The following IPO4 variants were observed in gnomAD, a reference collection of about 807,000 sequenced individuals.
IPO4 encodes importin 4, also known as importin-4.
IPO4 carries 91 observed loss-of-function variants against 133.5 expected under a neutral mutation model. The observed-to-expected ratio is 0.68, with a 90% CI of 0.58 to 0.81. The LOEUF (loss-of-function observed/expected upper bound fraction) is 0.81. Among genes scored for constraint, IPO4 ranks in the 30% least tolerant of loss-of-function variants. The pLI is 0.00. For missense variants in IPO4, 1,279 were observed against 1,386.2 expected, an observed-to-expected ratio of 0.92 and a Z score of 1.23; for synonymous variants, 607 against 581.6, an observed-to-expected ratio of 1.04 and a Z score of -0.63.
rs2039116692 is a variant in IPO4, at chr14:24,180,577, G to A, written c.3116-5C>T. 1.2e-6 allele frequency: 2 copies of A among 1,613,376 alleles called. No homozygotes were observed. The highest frequency in any genetic ancestry group is 1.3e-5 in the African/African-American group (1 of 74,926). ...GCAACAGTGCGGCCTTGGTGTCTGG[G>A]TGGAGAGGGAGGGAGAAAGGTCGGG... is the stretch of plus-strand genomic sequence containing the variant. On this transcript the variant is annotated splice_region_variant and splice_polypyrimidine_tract_variant and intron_variant, in intron 29 of 29. Coordinates refer to ENST00000354464, the MANE Select transcript of IPO4 (RefSeq NM_024658.4).
chr14:24,184,852 T>C lies in IPO4; in HGVS notation c.1522+15A>G, dbSNP rs199648387. On this transcript the variant is annotated intron_variant, in intron 15 of 29. Coordinates refer to ENST00000354464, the MANE Select transcript of IPO4 (RefSeq NM_024658.4). ...GGGTGAACCCCACATCCCTGCCTCC[T>C]GCCTCTCTCCTCACCAATGGCTCCC... The C allele has an allele frequency of 5.7e-5, 92 of 1,612,086 alleles. No individual in the cohort carries two copies. In the African/African-American group the frequency reaches 1.1e-3, roughly 20 times the overall value.
In IPO4 at chr14:24,188,339, C is replaced by A; in HGVS notation, c.236+5G>T. 2 of 1,613,560 alleles carry A rather than the reference C, an allele frequency of 1.2e-6. No homozygotes were observed. Among genetic ancestry groups the A allele is most frequent in the Non-Finnish European group, 1.7e-6 (2 of 1,179,870 alleles). ...TGGCCCCGCCCCACCCCAGGCCCAGCCCACCTCTCCCGTTGCTCCGCCGCC... is the reference window on the plus strand; with the variant it reads ...TGGCCCCGCCCCACCCCAGGCCCAGACCACCTCTCCCGTTGCTCCGCCGCC... On this transcript the variant is annotated splice_donor_5th_base_variant and intron_variant, in intron 3 of 29. Transcript: ENST00000354464.
intron 8 of IPO4, 25 bp from the exon 9 acceptor site, chr14:24,186,816 G>A: frequency 6.2e-7 from 1 of 1,613,420 alleles, no homozygotes; most frequent in Non-Finnish European, 8.5e-7. Context: ...ATAAAAATCA[G>A]CGACAGGGAA....
rs773862767 is a variant in IPO4 at position 24,183,444 on chromosome 14, C to CG, written c.2121+11dup. ...TGAGAACCCCACCCACTCCACCCGC[C>CG]GGCCCGCTCACCTCCAGCAGTTTAA... On this transcript the variant is annotated intron_variant, in intron 21 of 29. Coordinates refer to ENST00000354464, the MANE Select transcript of IPO4 (RefSeq NM_024658.4). The CG allele has an allele frequency of 6.2e-7, 1 of 1,608,220 alleles. No individual in the cohort carries two copies. Among genetic ancestry groups the CG allele is most frequent in the South Asian group, 1.1e-5 (1 of 90,234 alleles).
chr14:24,186,533 A>C (rs958875632), intron 9 of IPO4, 82 bp from the exon 10 acceptor site: 2 of 1,488,556 alleles, frequency 1.3e-6, no homozygotes, highest in African/African-American at 2.8e-5. Flanking sequence ...CTTCCAGGCC[A>C]TAAGGGGTCT....
In IPO4 at chr14:24,187,672, T is replaced by C; in HGVS notation, c.403A>G (p.Arg135Gly). Residue 135 changes from arginine to glycine, a missense_variant, in exon 5 of 30, where the codon AGA (arginine) becomes GGA (glycine). Around this residue, in one of 3 missense-constraint regions of IPO4, gnomAD observed 695 missense variants for 704.1 expected, o/e 0.99. Coordinates refer to ENST00000354464, the MANE Select transcript of IPO4 (RefSeq NM_024658.4). ...HSTHSPHSPE[R>G]EMGLLLLSVV... ...TGCCAACCATGTGATGGTACCTCTC[T>C]CTCTGGGCTGTGGGGGCTGTGGGTA... The C allele has an allele frequency of 6.2e-7, 1 of 1,614,144 alleles. No homozygotes were observed. Among genetic ancestry groups the C allele is most frequent in the South Asian group, 1.1e-5 (1 of 91,086 alleles).
In IPO4 at chr14:24,182,967, C is replaced by T; in HGVS notation, c.2421+9G>A. On this transcript the variant is annotated intron_variant, in intron 23 of 29. Coordinates refer to ENST00000354464, the MANE Select transcript of IPO4 (RefSeq NM_024658.4). ...CCTCTCCTTCCCGAAGCCCACCTGC[C>T]CTGCTCACCTTCCTCTGCAGCACAG... is the stretch of plus-strand genomic sequence containing the variant. 1 of 1,613,218 alleles carries T rather than the reference C, an allele frequency of 6.2e-7. No homozygotes were observed. The highest frequency in any genetic ancestry group is 8.5e-7 in the Non-Finnish European group (1 of 1,179,392).
chr14:24,180,921 A>G lies in IPO4; in HGVS notation c.3046-163T>C, dbSNP rs1311296121. The stretch of plus-strand genomic sequence containing the variant: ...ACTATGAACATGAGAAGAACCAATG[A>G]AACTTGGTGCTAATGATTTTTTTTG... On this transcript the variant is annotated intron_variant, in intron 28 of 29. Transcript: ENST00000354464. 5.3e-5 allele frequency among the ~76,000 whole-genome samples: 8 copies of G among 152,178 alleles called. No individual in the cohort carries two copies. In the East Asian group the frequency reaches 1.5e-3, roughly 29 times the overall value.
chr14:24,184,551 G>A, intron 16 of IPO4, 99 bp downstream of exon 16: 1 of 1,415,938 alleles, frequency 7.1e-7, no homozygotes, highest in Admixed American at 2.4e-5. Flanking sequence ...TTGATGAGAA[G>A]GAAGACATCC....
chr14:24,186,860 T>C lies in IPO4; in HGVS notation c.756+18A>G. On this transcript the variant is annotated intron_variant, in intron 8 of 29. Coordinates refer to ENST00000354464, the MANE Select transcript of IPO4 (RefSeq NM_024658.4). The stretch of plus-strand genomic sequence containing the variant: ...CCAGCAGAGCATGTAGCAGGGGCCA[T>C]GTCCACTCCAGGCTCACCTCCAGGC... The C allele has an allele frequency of 6.2e-7, 1 of 1,612,226 alleles. No homozygotes were observed. Among genetic ancestry groups the C allele is most frequent in the Non-Finnish European group, 8.5e-7 (1 of 1,178,298 alleles).
In IPO4 at chr14:24,185,186, G is replaced by C. The variant is rs2039201132; in HGVS notation, c.1405C>G (p.Leu469Val). The stretch of plus-strand genomic sequence containing the variant: ...AGCTCCCCACTGCCATCACTACCTA[G>C]GTTCTCCACAAAATTCTCCAGGGCA... ...CYALENFVEN[L>V]GPKVQPYLPE... Residue 469 changes from leucine (L) to valine (V), a missense_variant, in exon 14 of 30, where the codon CTA (leucine) becomes GTA (valine). Leu to Val is a conservative substitution (Grantham distance 32). Transcript: ENST00000354464. The C allele has an allele frequency of 6.2e-7, 1 of 1,613,882 alleles. No homozygotes were observed. The highest frequency in any genetic ancestry group is 8.5e-7 in the Non-Finnish European group (1 of 1,179,956).
intron 17 of IPO4, 80 bp downstream of exon 17, chr14:24,184,218 G>A (rs936799493): frequency 2.6e-6 from 4 of 1,553,622 alleles, no homozygotes; most frequent in Non-Finnish European, 3.5e-6. Context: ...ACTGGAGTCT[G>A]GGGTGGGGAT....
chr14:24,184,048 G>C lies in IPO4; in HGVS notation c.1819C>G (p.Gln607Glu). Residue 607 changes from glutamine to glutamate, a missense_variant, in exon 18 of 30, where the codon CAG becomes GAG. This residue lies in a region of IPO4 where 575 missense variants were observed against 653.4 expected (regional missense o/e 0.88). Coordinates refer to ENST00000354464, the MANE Select transcript of IPO4 (RefSeq NM_024658.4). ...MGEGLAPHLE[Q>E]ITTLMLLSLR... Reference sequence around the variant, plus strand: ...GACAGCAGCATGAGCGTGGTGATCTGTTCCAAGTGGGGCGCCAGGCCCTCA... The same window carrying C: ...GACAGCAGCATGAGCGTGGTGATCTCTTCCAAGTGGGGCGCCAGGCCCTCA... 2 of 1,608,214 alleles carry C rather than the reference G, an allele frequency of 1.2e-6. No individual in the cohort carries two copies. Among genetic ancestry groups the C allele is most frequent in the East Asian group, 2.2e-5 (1 of 44,600 alleles).
chr14:24,187,807 G>A lies in IPO4; in HGVS notation c.279-11C>T. The A allele has an allele frequency of 1.2e-6, 2 of 1,613,964 alleles. No homozygotes were observed. The highest frequency in any genetic ancestry group is 1.3e-5 in the African/African-American group (1 of 75,050). ...AGGCTCACACAGTGCCTGCAAACAG[G>A]AGAGATCTCCTCCAATCACCCTTCA... On this transcript the variant is annotated splice_polypyrimidine_tract_variant and intron_variant, in intron 4 of 29. Transcript: ENST00000354464.
In IPO4 at chr14:24,187,471, A is replaced by C. The variant is rs1252799855; in HGVS notation, c.517T>G (p.Ser173Ala). 1.9e-6 allele frequency: 3 copies of C among 1,614,094 alleles called. No homozygotes were observed. The East Asian group carries it at 6.7e-5, about 36-fold the overall frequency. ...AGGGAGTAGAAGAGCAGCCCAGGAG[A>C]GCCCACCTCACCAAGAGTCTCATTC... ...LLNETLGEVG[S>A]PGLLFYSLRT... The change falls in exon 6 of 30, where the codon TCT (serine) becomes GCT (alanine). Residue 173 changes from serine to alanine, a missense_variant. Around this residue, in one of 3 missense-constraint regions of IPO4, gnomAD observed 695 missense variants for 704.1 expected, o/e 0.99. Coordinates refer to ENST00000354464, the MANE Select transcript of IPO4 (RefSeq NM_024658.4).
intron 28 of IPO4, 62 bp from the exon 29 acceptor site, chr14:24,180,820 T>C (rs1201647803): frequency 6.7e-7 from 1 of 1,495,340 alleles, no homozygotes; most frequent in Non-Finnish European, 9.2e-7. Context: ...AGGAGGGTGG[T>C]CAGGACCAAG....
rs972449006 is a variant in IPO4 at position 24,185,056 on chromosome 14, CTTTT to C, written c.1409-80_1409-77del. ...CGCCCACCTCCCTCCAGGCGGAAACCTTTTTTTGGCACCATCACACCCTTTCCCC... is the reference window on the plus strand; with the variant it reads ...CGCCCACCTCCCTCCAGGCGGAAACCTTTGGCACCATCACACCCTTTCCCC... On this transcript the variant is annotated intron_variant, in intron 14 of 29. Coordinates refer to ENST00000354464, the MANE Select transcript of IPO4 (RefSeq NM_024658.4). The C allele has an allele frequency of 5.7e-6, 9 of 1,589,530 alleles. No homozygotes were observed. The Admixed American group carries it at 1.2e-4, about 21-fold the overall frequency.
rs2039181660 is a variant in IPO4 at position 24,184,011 on chromosome 14, G to A, written c.1856C>T (p.Thr619Ile). 3 of 1,408,116 alleles carry A rather than the reference G, an allele frequency of 2.1e-6. No individual in the cohort carries two copies. Among genetic ancestry groups the A allele is most frequent in the Non-Finnish European group, 2.9e-6 (3 of 1,048,992 alleles). The allele number at this position is 1,408,116 out of a possible 1,614,324, so 87.2% of individuals were successfully genotyped here. A position where few individuals can be genotyped will look rare whatever the true frequency, so the allele number is the denominator to read the frequency against. The change falls in exon 18 of 30, where the codon ACC becomes ATC. Residue 619 changes from threonine (T) to isoleucine (I), a missense_variant. Thr to Ile is a moderately conservative substitution (Grantham distance 89, BLOSUM62 -1). This residue lies in a region of IPO4 where 575 missense variants were observed against 653.4 expected (regional missense o/e 0.88). Coordinates refer to ENST00000354464, the MANE Select transcript of IPO4 (RefSeq NM_024658.4). ...CCCTTTGCTCACCACAATGCCCTCGGTGGAACGCAGTGACAGCAGCATGAG... is the reference window on the plus strand; with the variant it reads ...CCCTTTGCTCACCACAATGCCCTCGATGGAACGCAGTGACAGCAGCATGAG... ...TTLMLLSLRSTEGIVPQYDGS... is the reference protein window; with the variant it reads ...TTLMLLSLRSIEGIVPQYDGS...
rs1481791188 is a variant in IPO4 at position 24,185,844 on chromosome 14, G to A, written c.1169+17C>T. The A allele has an allele frequency of 3.8e-6, 6 of 1,595,174 alleles. No individual in the cohort carries two copies. In the East Asian group the frequency reaches 1.1e-4, roughly 30 times the overall value. On this transcript the variant is annotated intron_variant, in intron 12 of 29. Transcript: ENST00000354464. ...TCCCTGTGGGCAACCCTCACCCTGGGACAGGGGAATACATACCTCTGCCTG... is the reference window on the plus strand; with the variant it reads ...TCCCTGTGGGCAACCCTCACCCTGGAACAGGGGAATACATACCTCTGCCTG...
Sources: allele counts gnomAD v4.1 joint callset (sites outside exome capture counted in the v4.1 genomes callset), GRCh38; gene constraint gnomAD v4.1.1; regional missense constraint gnomAD v4.1.1; transcripts MANE v1.5; gene names NCBI Gene and HGNC (gene_info 2026-07-23, HGNC 2026-07-21).